Variants in CDK14 observed in about 807,000 individuals in gnomAD.
CDK14 encodes cyclin dependent kinase 14.
Under a neutral mutation model 60.7 loss-of-function variants are expected in CDK14, and 34 were observed. The observed-to-expected ratio is 0.56, with a 90% CI of 0.43 to 0.75. CDK14 has a LOEUF of 0.75. Among genes scored for constraint, CDK14 ranks in the 30% least tolerant of loss-of-function variants. The pLI is 0.00. For missense variants in CDK14, 482 were observed against 564.1 expected (o/e 0.85, Z 1.47); for synonymous variants, 197 against 203.7 (o/e 0.97, Z 0.28).
intron 14 of CDK14, among the ~76,000 whole-genome samples, chr7:91,186,635 A>G (rs1447857017): frequency 6.6e-6 from 1 of 152,182 alleles, no homozygotes; most frequent in African/African-American, 2.4e-5. Context: ...TCTTTGGAGA[A>G]AAATATTTAT....
rs934726291 is a variant in CDK14, at chr7:91,208,857, T to G, written c.*1721T>G. The G allele has an allele frequency of 6.6e-6, 1 of 152,646 alleles. No homozygotes were observed. Among genetic ancestry groups the G allele is most frequent in the African/African-American group, 2.4e-5 (1 of 41,464 alleles). The allele number at this position is 152,646 out of a possible 1,614,324, so 9.5% of individuals were successfully genotyped here. On this transcript the variant is annotated 3_prime_UTR_variant, in exon 15 of 15. Transcript: ENST00000380050. ...AAACTTTTAAGTGCTAAGCAAGGAA[T>G]TATTTACTGATTGGTTTTAAAGAGA...
intron 14 of CDK14, among the ~76,000 whole-genome samples, chr7:91,134,917 G>A (rs1481212392): frequency 1.3e-5 from 2 of 151,980 alleles, no homozygotes; most frequent in Non-Finnish European, 1.5e-5. Flanking sequence ...TTTGTTGTGT[G>A]TATATACAAA....
chr7:90,733,142 A>G (rs542338853), intron 3 of CDK14, among the ~76,000 whole-genome samples: 13 of 152,056 alleles, frequency 8.5e-5, no homozygotes, highest in East Asian at 3.9e-4. Context: ...CCATGTACTT[A>G]TGTGGTTTTG....
chr7:90,745,148 A>G (rs909431918), intron 3 of CDK14, among the ~76,000 whole-genome samples: 1 of 152,070 alleles, frequency 6.6e-6, no homozygotes, highest in African/African-American at 2.4e-5. Flanking sequence ...ATATATTCTG[A>G]TTTATTCAAG....
chr7:91,140,493 C>A (rs1201080266), intron 14 of CDK14, among the ~76,000 whole-genome samples: 2 of 152,182 alleles, frequency 1.3e-5, no homozygotes, highest in Non-Finnish European at 2.9e-5. Flanking sequence ...CTTTGTTAAT[C>A]ATTCATTGCA....
Position 90,958,551 on chromosome 7 carries a change from C to G in CDK14, c.947+2734C>G, listed in dbSNP as rs185616236. The stretch of plus-strand genomic sequence containing the variant: ...GGGATGGTTGTTTACACAGTTAGAT[C>G]TTTTTTTCCCAACACAGGGATTTGG... On this transcript the variant is annotated intron_variant, in intron 9 of 14. Coordinates refer to ENST00000380050, the MANE Select transcript of CDK14 (RefSeq NM_001287135.2). Among the ~76,000 whole-genome samples, 526 of 152,116 alleles carry G rather than the reference C, an allele frequency of 3.5e-3. 1 individual carries two copies. Among genetic ancestry groups the G allele is most frequent in the Non-Finnish European group, 5.4e-3 (369 of 67,990 alleles).
chr7:90,730,089 A>C (rs904324192), intron 3 of CDK14, among the ~76,000 whole-genome samples: 3 of 152,044 alleles, frequency 2.0e-5, no homozygotes, highest in African/African-American at 7.2e-5. Context: ...CCCACTTATG[A>C]GTGAGAACAT....
intron 4 of CDK14, among the ~76,000 whole-genome samples, chr7:90,788,094 T>C (rs1187988417): frequency 6.6e-6 from 1 of 152,134 alleles, no homozygotes; most frequent in African/African-American, 2.4e-5. Context: ...CAGTTCACAA[T>C]ACGTGATATA....
At chr7:91,117,168 C>T (rs771947722) in intron 13 of CDK14, among the ~76,000 whole-genome samples, 4 of 149,876 alleles carry the variant, frequency 2.7e-5, no homozygotes, top group Non-Finnish European at 3.0e-5. Context: ...TTACCGTTGT[C>T]AATAAATAGC....
At chr7:91,016,558 C>G (rs937976037) in intron 10 of CDK14, among the ~76,000 whole-genome samples, 1 of 152,124 alleles carries the variant, frequency 6.6e-6, no homozygotes, top group Non-Finnish European at 1.5e-5. Flanking sequence ...CCTCCTCAGC[C>G]CACCCAACCT....
chr7:91,179,825 A>T (rs1801935995), intron 14 of CDK14, among the ~76,000 whole-genome samples: 1 of 152,020 alleles, frequency 6.6e-6, no homozygotes, highest in Non-Finnish European at 1.5e-5. Flanking sequence ...GTTTACTTTT[A>T]TTTTTAATAA....
At chr7:90,677,211 T>G (rs1801217786) in intron 2 of CDK14, among the ~76,000 whole-genome samples, 1 of 152,170 alleles carries the variant, frequency 6.6e-6, no homozygotes, top group Non-Finnish European at 1.5e-5. Flanking sequence ...TATAGACTGG[T>G]AAGTTCCATG....
rs1231776231 is a variant in CDK14, at chr7:91,054,115, A to G, written c.1105+8155A>G. On this transcript the variant is annotated intron_variant, in intron 11 of 14. Transcript: ENST00000380050. ...TTTTTTTTTTTTTTTTTTTTTTACCATTTATATACCATGTGCTCTGCCTGC... is the reference window on the plus strand; with the variant it reads ...TTTTTTTTTTTTTTTTTTTTTTACCGTTTATATACCATGTGCTCTGCCTGC... 1.6e-4 allele frequency among the ~76,000 whole-genome samples: 10 copies of G among 64,038 alleles called. No homozygotes were observed. In the East Asian group the frequency reaches 1.9e-3, roughly 12 times the overall value. The allele number at this position is 64,038 out of a possible 152,430, so 42.0% of individuals were successfully genotyped here. A position where few individuals can be genotyped will look rare whatever the true frequency, so the allele number is the denominator to read the frequency against.
At chr7:90,936,485 T>G (rs766737464) in intron 8 of CDK14, among the ~76,000 whole-genome samples, 1 of 152,230 alleles carries the variant, frequency 6.6e-6, no homozygotes, top group Non-Finnish European at 1.5e-5. Flanking sequence ...AGAAAACTTT[T>G]GTCTAGAAAG....
At chr7:91,114,356 TC>T (rs925636462) in intron 13 of CDK14, among the ~76,000 whole-genome samples, 1 of 152,184 alleles carries the variant, frequency 6.6e-6, no homozygotes, top group Non-Finnish European at 1.5e-5. Context: ...ACATTATCAC[TC>T]GGCAGCAGAC....
At chr7:90,829,336 T>C (rs576005328) in intron 5 of CDK14, among the ~76,000 whole-genome samples, 1 of 152,186 alleles carries the variant, frequency 6.6e-6, no homozygotes, top group African/African-American at 2.4e-5. Context: ...AACTCAAAAG[T>C]CCAAGTCCAA....
intron 14 of CDK14, among the ~76,000 whole-genome samples, chr7:91,142,697 G>A (rs928725993): frequency 2.6e-5 from 4 of 152,148 alleles, no homozygotes; most frequent in African/African-American, 9.7e-5. Flanking sequence ...GCTTCATCAG[G>A]TAAAGTTGGT....
At chr7:90,806,423 G>C (rs1418679680) in intron 5 of CDK14, among the ~76,000 whole-genome samples, 2 of 152,136 alleles carry the variant, frequency 1.3e-5, no homozygotes, top group Non-Finnish European at 2.9e-5. Flanking sequence ...ATGATGAAAA[G>C]ACCCCCACAA....
intron 12 of CDK14, among the ~76,000 whole-genome samples, chr7:91,111,026 T>A (rs560690185): frequency 1.3e-5 from 2 of 152,328 alleles, no homozygotes; most frequent in Admixed American, 6.5e-5. Context: ...TCGTTCCCTG[T>A]GGACAAATTT....
Sources: allele counts gnomAD v4.1 joint callset (sites outside exome capture counted in the v4.1 genomes callset), GRCh38; gene constraint gnomAD v4.1.1; transcripts MANE v1.5; gene names NCBI Gene and HGNC (gene_info 2026-07-23, HGNC 2026-07-21).